ZNF385B: variants seen among roughly 807,000 people sequenced by gnomAD.
The protein encoded by ZNF385B is zinc finger protein 385B, also known as zinc finger protein 533.
A neutral mutation model predicts 39.2 loss-of-function variants in ZNF385B; 23 were observed. The ratio of observed to expected loss-of-function variants is 0.59; its 90% CI spans 0.42 to 0.83. The LOEUF (loss-of-function observed/expected upper bound fraction) is 0.83. Ranked by LOEUF, ZNF385B falls within the 40% of genes least tolerant of loss-of-function variation. ZNF385B has a pLI of 0.00. For synonymous variants in ZNF385B, 205 were observed against 222.6 expected, an observed-to-expected ratio of 0.92 and a Z score of 0.70; for missense variants, 552 against 598.9, an observed-to-expected ratio of 0.92 and a Z score of 0.82.
chr2:179,599,493 C>T (rs1688246095), intron 3 of ZNF385B, among the ~76,000 whole-genome samples: 1 of 152,166 alleles, frequency 6.6e-6, no homozygotes, highest in Admixed American at 6.5e-5. Flanking sequence ...ATTAATATTT[C>T]ATTAAAATAA....
At chr2:179,608,747 G>C (rs1032305817) in intron 3 of ZNF385B, among the ~76,000 whole-genome samples, 4 of 151,938 alleles carry the variant, frequency 2.6e-5, no homozygotes, top group African/African-American at 7.3e-5. Flanking sequence ...CCTAAGTGAT[G>C]ACTCACTGTT....
chr2:179,766,719 C>A (rs916931876), intron 3 of ZNF385B, among the ~76,000 whole-genome samples: 3 of 152,172 alleles, frequency 2.0e-5, no homozygotes, highest in African/African-American at 7.2e-5. Context: ...TCTGTAAAGA[C>A]CCTAGCTCTA....
At chr2:179,699,904 T>C (rs1033971280) in intron 3 of ZNF385B, among the ~76,000 whole-genome samples, 3 of 152,202 alleles carry the variant, frequency 2.0e-5, no homozygotes, top group Admixed American at 2.0e-4. Context: ...AAATGTCAGA[T>C]TGTTATACAA....
At chr2:179,526,292 T>A (rs1178312523) in intron 4 of ZNF385B, among the ~76,000 whole-genome samples, 1 of 151,860 alleles carries the variant, frequency 6.6e-6, no homozygotes, top group African/African-American at 2.4e-5. Context: ...GAAGGCTCAT[T>A]AAAAATACAC....
intron 3 of ZNF385B, among the ~76,000 whole-genome samples, chr2:179,722,888 T>C (rs1233232251): frequency 6.6e-6 from 1 of 152,082 alleles, no homozygotes; most frequent in African/African-American, 2.4e-5. Context: ...TCTATTAAAA[T>C]GGTCACATGA....
At chr2:179,679,913 T>C (rs145519114) in intron 3 of ZNF385B, among the ~76,000 whole-genome samples, 2 of 152,306 alleles carry the variant, frequency 1.3e-5, no homozygotes, top group East Asian at 1.9e-4. Context: ...TTAACTTCAT[T>C]TGAAACTCAC....
At chr2:179,754,790 T>A (rs1296284704) in intron 3 of ZNF385B, among the ~76,000 whole-genome samples, 1 of 152,208 alleles carries the variant, frequency 6.6e-6, no homozygotes, top group East Asian at 1.9e-4. Flanking sequence ...CCCTTTATCA[T>A]TTTTTATTAT....
At chr2:179,611,944 C>T (rs926389475) in intron 3 of ZNF385B, among the ~76,000 whole-genome samples, 1 of 151,898 alleles carries the variant, frequency 6.6e-6, no homozygotes, top group African/African-American at 2.4e-5. Context: ...TCTTATTCTC[C>T]CCCATCTCCT....
At chr2:179,539,140 G>C (rs1458043849) in intron 4 of ZNF385B, among the ~76,000 whole-genome samples, 1 of 152,198 alleles carries the variant, frequency 6.6e-6, no homozygotes, top group African/African-American at 2.4e-5. Flanking sequence ...CATAGTTCTG[G>C]ATGCTGGAGG....
At chr2:179,555,409 G>GC (rs745756190) in intron 3 of ZNF385B, among the ~76,000 whole-genome samples, 3 of 149,348 alleles carry the variant, frequency 2.0e-5, no homozygotes, top group East Asian at 3.9e-4. Context: ...TCCTTGATCT[G>GC]GGGGGCCAGC....
chr2:179,611,740 A>G (rs1232791069), intron 3 of ZNF385B, among the ~76,000 whole-genome samples: 1 of 152,046 alleles, frequency 6.6e-6, no homozygotes, highest in Non-Finnish European at 1.5e-5. Context: ...GAATTTCCTC[A>G]TGGTTCAATC....
Position 179,518,645 on chromosome 2 carries a change from A to G in ZNF385B, c.442-7T>C, listed in dbSNP as rs1574566836. ...CTTTTTGCACAGGATCCATCTGAAG[A>G]ACAAATGAAAAAATAGTCAATTTGT... On this transcript the variant is annotated splice_polypyrimidine_tract_variant and splice_region_variant and intron_variant, in intron 4 of 9. Transcript: ENST00000410066. 6.5e-7 allele frequency: 1 copy of G among 1,545,330 alleles called. No individual in the cohort carries two copies. The highest frequency in any genetic ancestry group is 2.3e-5 in the East Asian group (1 of 43,516).
At chr2:179,620,455 A>T (rs1296446698) in intron 3 of ZNF385B, among the ~76,000 whole-genome samples, 1 of 152,198 alleles carries the variant, frequency 6.6e-6, no homozygotes, top group East Asian at 1.9e-4. Flanking sequence ...TGGTAATTAT[A>T]AACTTTTATT....
chr2:179,795,866 T>C (rs916500279), intron 1 of ZNF385B, among the ~76,000 whole-genome samples: 1 of 152,168 alleles, frequency 6.6e-6, no homozygotes, highest in Non-Finnish European at 1.5e-5. Context: ...AACGTCCATA[T>C]ATCTTGAAGC....
chr2:179,646,224 G>A (rs973688018), intron 3 of ZNF385B, among the ~76,000 whole-genome samples: 2 of 152,148 alleles, frequency 1.3e-5, no homozygotes, highest in African/African-American at 4.8e-5. Context: ...AGACCAGCCT[G>A]GCCAACATGG....
At chr2:179,782,765 C>G (rs1342079533) in intron 1 of ZNF385B, among the ~76,000 whole-genome samples, 2 of 152,016 alleles carry the variant, frequency 1.3e-5, no homozygotes, top group Non-Finnish European at 2.9e-5. Context: ...TCTAGGAATA[C>G]CTTTAACCAG....
chr2:179,778,512 A>C (rs1157993749), intron 1 of ZNF385B, among the ~76,000 whole-genome samples: 1 of 152,206 alleles, frequency 6.6e-6, no homozygotes, highest in Non-Finnish European at 1.5e-5. Context: ...GGATTCCTAC[A>C]AGACAGACCC....
chr2:179,778,428 T>C (rs2106519550), intron 1 of ZNF385B, among the ~76,000 whole-genome samples: 1 of 152,122 alleles, frequency 6.6e-6, no homozygotes, highest in Non-Finnish European at 1.5e-5. Flanking sequence ...TGAGTCTTCC[T>C]GGGAGGTGGG....
chr2:179,819,561 T>C (rs1707278016), intron 1 of ZNF385B, among the ~76,000 whole-genome samples: 2 of 152,178 alleles, frequency 1.3e-5, no homozygotes, highest in East Asian at 1.9e-4. Context: ...CCTAATTCAA[T>C]GCTGTCCCAG....
Sources: gnomAD v4.1 joint callset for allele counts (sites outside exome capture counted in the v4.1 genomes callset) on GRCh38, gnomAD v4.1.1 for gene constraint, MANE v1.5 for transcripts, NCBI Gene and HGNC (gene_info 2026-07-23, HGNC 2026-07-21) for gene names.